Variants in ENAH observed in about 807,000 individuals in gnomAD.
ENAH encodes protein enabled homolog.
In ENAH, 23 loss-of-function variants were observed where a neutral mutation model predicts 78.7. That is an observed-to-expected ratio of 0.29 (90% CI 0.21 to 0.41). The LOEUF (loss-of-function observed/expected upper bound fraction) is 0.41. Among genes scored for constraint, ENAH ranks in the 10% least tolerant of loss-of-function variants. The pLI is 1.00. For missense variants in ENAH, 544 were observed against 691.0 expected, an observed-to-expected ratio of 0.79 and a Z score of 2.39; for synonymous variants, 226 against 241.0, an observed-to-expected ratio of 0.94 and a Z score of 0.58.
chr1:225,544,223 GCTT>G (rs1014669350), intron 3 of ENAH, among the ~76,000 whole-genome samples: 5 of 152,206 alleles, frequency 3.3e-5, no homozygotes, highest in Admixed American at 2.0e-4. Flanking sequence ...CCAGCAAAAT[GCTT>G]CTTCAATTTA....
chr1:225,519,174 C>T (rs748400436), intron 5 of ENAH, 24 bp downstream of exon 5: 1 of 1,608,712 alleles, frequency 6.2e-7, no homozygotes, highest in African/African-American at 1.3e-5. Flanking sequence ...TACAAGAACA[C>T]AGAAGAGTTT....
At chr1:225,517,888 G>C in intron 5 of ENAH, 1 of 1,551,282 alleles carries the variant, frequency 6.4e-7, no homozygotes, top group Non-Finnish European at 8.7e-7. Flanking sequence ...TGACACTGGA[G>C]CTGAGATGAC....
chr1:225,643,625 T>C (rs1296674422), intron 1 of ENAH, among the ~76,000 whole-genome samples: 1 of 152,186 alleles, frequency 6.6e-6, no homozygotes, highest in Non-Finnish European at 1.5e-5. Context: ...TAAAGTTATG[T>C]AGCTATATAG....
At chr1:225,520,971 A>T (rs1251727171) in intron 4 of ENAH, among the ~76,000 whole-genome samples, 1 of 87,464 alleles carries the variant, frequency 1.1e-5, no homozygotes, top group Non-Finnish European at 2.2e-5. Context: ...GGAGGGAGGG[A>T]GGGAGACATA....
intron 1 of ENAH, among the ~76,000 whole-genome samples, chr1:225,626,644 T>C (rs1033171085): frequency 6.6e-6 from 1 of 152,220 alleles, no homozygotes; most frequent in Non-Finnish European, 1.5e-5. Context: ...TTTGTGTTTA[T>C]AAATTACCCA....
At position 225,548,455 on chromosome 1, in the gene ENAH, C is replaced by G. The variant is rs576120674; in HGVS notation, c.349+6451G>C. Among the ~76,000 whole-genome samples the G allele has an allele frequency of 5.9e-5, 9 of 152,262 alleles. No individual in the cohort carries two copies. The South Asian group carries it at 1.9e-3, about 32-fold the overall frequency. Reference sequence around the variant, plus strand: ...TAACAGTTTACTTAAAAACACAAAACTAAAAGTAAATTCAAATTTTTGCTT... The same window carrying G: ...TAACAGTTTACTTAAAAACACAAAAGTAAAAGTAAATTCAAATTTTTGCTT... On this transcript the variant is annotated intron_variant, in intron 3 of 13. Coordinates refer to ENST00000366843, the MANE Select transcript of ENAH (RefSeq NM_018212.6).
rs1482987340 is a variant in ENAH at position 225,497,705 on chromosome 1, T to C, written c.*70A>G. On this transcript the variant is annotated 3_prime_UTR_variant, in exon 14 of 14. Transcript: ENST00000366843. ...GCTCATAAATGTAGGGGTTTGCTGTTGTGAACAGTTGTTGTTTGTAGGATA... is the reference window on the plus strand; with the variant it reads ...GCTCATAAATGTAGGGGTTTGCTGTCGTGAACAGTTGTTGTTTGTAGGATA... 5 of 1,484,956 alleles carry C rather than the reference T, an allele frequency of 3.4e-6. No individual in the cohort carries two copies. The highest frequency in any genetic ancestry group is 4.5e-5 in the East Asian group (2 of 44,050). 92.0% of individuals were successfully genotyped at this position (1,484,956 alleles called of 1,614,324 possible). A position where few individuals can be genotyped will look rare whatever the true frequency, so the allele number is the denominator to read the frequency against.
chr1:225,548,036 G>A (rs1354833819), intron 3 of ENAH, among the ~76,000 whole-genome samples: 1 of 152,160 alleles, frequency 6.6e-6, no homozygotes, highest in South Asian at 2.1e-4. Flanking sequence ...TCTAATTTGC[G>A]CTGGCATACA....
chr1:225,638,763 T>C (rs545868573), intron 1 of ENAH, among the ~76,000 whole-genome samples: 218 of 152,176 alleles, frequency 1.4e-3, no homozygotes, highest in Non-Finnish European at 1.5e-3. Context: ...AGCTAACAGA[T>C]TGCATAGGAA....
In ENAH at chr1:225,522,833, G is replaced by A. The variant is rs78835473; in HGVS notation, c.435-3268C>T. On this transcript the variant is annotated intron_variant, in intron 4 of 13. Coordinates refer to ENST00000366843, the MANE Select transcript of ENAH (RefSeq NM_018212.6). The stretch of plus-strand genomic sequence containing the variant: ...CAAATTTAAATACAGAAGCTAAAGA[G>A]AAACATTTAAGAGCACAGTAGCTGT... 9.7e-3 allele frequency among the ~76,000 whole-genome samples: 1,470 copies of A among 152,256 alleles called. 13 individuals carry two copies. Among genetic ancestry groups the A allele is most frequent in the Admixed American group, 0.017 (263 of 15,296 alleles).
At chr1:225,518,441 T>A (rs568115850) in intron 5 of ENAH, among the ~76,000 whole-genome samples, 5 of 152,234 alleles carry the variant, frequency 3.3e-5, no homozygotes, top group Non-Finnish European at 7.3e-5. Flanking sequence ...TCCTATTCAA[T>A]GCTAACTTGT....
intron 1 of ENAH, among the ~76,000 whole-genome samples, chr1:225,585,180 C>G (rs1387077882): frequency 7.4e-6 from 1 of 134,694 alleles, no homozygotes; most frequent in Non-Finnish European, 1.5e-5. Context: ...CATGCCACTG[C>G]ACTCCCATCT....
At chr1:225,538,562 C>CT (rs373113532) in intron 3 of ENAH, among the ~76,000 whole-genome samples, 1,735 of 146,552 alleles carry the variant, frequency 0.012, 39 homozygotes, top group African/African-American at 0.038. Context: ...TCCCCCCCGC[C>CT]TTTTTTTTTT....
intron 1 of ENAH, among the ~76,000 whole-genome samples, chr1:225,640,893 CTTTTTT>C (rs61440195): frequency 7.6e-6 from 1 of 130,970 alleles, no homozygotes; most frequent in Non-Finnish European, 1.6e-5. Context: ...CAAGTACATA[CTTTTTT>C]TTTTTTTTTT....
At position 225,534,829 on chromosome 1, in the gene ENAH, G is replaced by C. The variant is rs550919730; in HGVS notation, c.350-4191C>G. ...TCTATCTGTGTTTATAGATAGATAC[G>C]TATCCTTAGATATATATCTTATTCT... On this transcript the variant is annotated intron_variant, in intron 3 of 13. Transcript: ENST00000366843. 7.2e-4 allele frequency among the ~76,000 whole-genome samples: 109 copies of C among 152,170 alleles called. 1 individual carries two copies. The highest frequency in any genetic ancestry group is 2.5e-3 in the African/African-American group (102 of 41,536).
At chr1:225,653,796 C>G (rs1396532338), upstream of ENAH, among the ~76,000 whole-genome samples, 5 of 152,250 alleles carry the variant, frequency 3.3e-5, no homozygotes, top group Non-Finnish European at 7.3e-5. This position sits in a 1 kb window ranked among gnomAD's most constrained non-coding sequence, Gnocchi z 4.3. Context: ...CTGCGCCCAG[C>G]GATTCCTGCG....
intron 1 of ENAH, among the ~76,000 whole-genome samples, chr1:225,626,402 T>C (rs1356793921): frequency 3.9e-5 from 6 of 152,248 alleles, no homozygotes; most frequent in Non-Finnish European, 8.8e-5. Context: ...AAGGTGATGA[T>C]ATTGCAAGGT....
At chr1:225,614,988 TC>T (rs2097016630) in intron 1 of ENAH, among the ~76,000 whole-genome samples, 1 of 151,648 alleles carries the variant, frequency 6.6e-6, no homozygotes. Flanking sequence ...CCTCTCCCTC[TC>T]CCCGGTCTCC....
At chr1:225,587,988 ATC>A (rs2096855742) in intron 1 of ENAH, among the ~76,000 whole-genome samples, 1 of 152,226 alleles carries the variant, frequency 6.6e-6, no homozygotes, top group African/African-American at 2.4e-5. Flanking sequence ...TTCAAGATAT[ATC>A]GATTTAAACC....
Sources: gnomAD v4.1 joint callset for allele counts (sites outside exome capture counted in the v4.1 genomes callset) on GRCh38, gnomAD v4.1.1 for gene constraint, Gnocchi (gnomAD v3.1) non-coding constraint, MANE v1.5 for transcripts, NCBI Gene and HGNC (gene_info 2026-07-23, HGNC 2026-07-21) for gene names.